SATB2: variants seen among roughly 807,000 people sequenced by gnomAD.
The protein encoded by SATB2 is SATB homeobox 2.
Under a neutral mutation model 73.4 loss-of-function variants are expected in SATB2, and 1 was observed. The observed-to-expected ratio is 0.01, with a 90% CI of 0.00 to 0.06. The LOEUF (loss-of-function observed/expected upper bound fraction) is 0.06, where lower values mean the gene tolerates loss of function less well. SATB2 is among the 10% of genes least tolerant of loss of function. The probability of loss-of-function intolerance (pLI) is 1.00; values close to 1 mark genes in which losing one functional copy is unlikely to be tolerated. For synonymous variants in SATB2, 397 were observed against 367.0 expected (o/e 1.08, Z -0.93); for missense variants, 459 against 945.8 (o/e 0.49, Z 6.75).
chr2:199,376,938 G>T (rs1249738890), intron 5 of SATB2, among the ~76,000 whole-genome samples: 1 of 152,178 alleles, frequency 6.6e-6, no homozygotes, highest in African/African-American at 2.4e-5. Flanking sequence ...CAAACTGAAG[G>T]ACTCTAGAGT....
At chr2:199,385,758 A>C (rs913284086) in intron 3 of SATB2, among the ~76,000 whole-genome samples, 4 of 152,192 alleles carry the variant, frequency 2.6e-5, no homozygotes, top group Non-Finnish European at 4.4e-5. Context: ...AAGTTTTGGG[A>C]GGCCGTGAAT....
intron 3 of SATB2, among the ~76,000 whole-genome samples, chr2:199,429,081 G>A (rs905416515): frequency 6.6e-6 from 1 of 151,438 alleles, no homozygotes; most frequent in Non-Finnish European, 1.5e-5. Flanking sequence ...ACATTACAGG[G>A]GCTCATTAAC....
intron 3 of SATB2, among the ~76,000 whole-genome samples, chr2:199,430,247 C>T (rs913856267): frequency 5.3e-5 from 8 of 152,168 alleles, no homozygotes; most frequent in Non-Finnish European, 1.2e-4. Context: ...GAGAGTGGGG[C>T]AGTTCCCAGA....
chr2:199,424,274 TCA>T lies in SATB2; in HGVS notation c.346+9062_346+9063del, dbSNP rs1478431871. ...CAAAGTGCTGGGTTTTAAATGCTCATCACAGTCACGCAAAATCTATCTGGCAC... is the reference window on the plus strand; with the variant it reads ...CAAAGTGCTGGGTTTTAAATGCTCATCAGTCACGCAAAATCTATCTGGCAC... On this transcript the variant is annotated intron_variant, in intron 3 of 10. Transcript: ENST00000417098. Among the ~76,000 whole-genome samples the T allele has an allele frequency of 2.0e-5, 3 of 152,312 alleles. No individual in the cohort carries two copies. In the East Asian group the frequency reaches 5.8e-4, roughly 29 times the overall value.
chr2:199,306,156 C>T (rs1687426413), intron 10 of SATB2, among the ~76,000 whole-genome samples: 1 of 152,146 alleles, frequency 6.6e-6, no homozygotes, highest in Admixed American at 6.5e-5. Flanking sequence ...TTTATAGTAG[C>T]TTGGTATGTT....
At chr2:199,293,565 T>C (rs1483583420) in intron 10 of SATB2, among the ~76,000 whole-genome samples, 1 of 152,176 alleles carries the variant, frequency 6.6e-6, no homozygotes, top group Non-Finnish European at 1.5e-5. Flanking sequence ...ATGAAAGCTA[T>C]AAAAGATTGA....
At chr2:199,394,159 T>C (rs1167083958) in intron 3 of SATB2, among the ~76,000 whole-genome samples, 1 of 152,198 alleles carries the variant, frequency 6.6e-6, no homozygotes, top group African/African-American at 2.4e-5. Context: ...CCCAATAGAA[T>C]AGTTTATATA....
At chr2:199,384,378 A>G (rs1689867223) in intron 3 of SATB2, among the ~76,000 whole-genome samples, 1 of 152,198 alleles carries the variant, frequency 6.6e-6, no homozygotes, top group Admixed American at 6.5e-5. Context: ...ACAGCTATTT[A>G]CCAGGGTCTG....
At chr2:199,451,097 C>T (rs1692110259) in intron 2 of SATB2, among the ~76,000 whole-genome samples, 1 of 148,960 alleles carries the variant, frequency 6.7e-6, no homozygotes, top group Admixed American at 6.7e-5. Flanking sequence ...TTCCAACACA[C>T]ACACACACAC....
In SATB2 at chr2:199,270,276, G is replaced by A. The variant is rs1254437355; in HGVS notation, c.*1935C>T. The A allele has an allele frequency of 6.6e-6, 1 of 152,598 alleles. No homozygotes were observed. The highest frequency in any genetic ancestry group is 1.5e-5 in the Non-Finnish European group (1 of 68,010). The allele number at this position is 152,598 out of a possible 1,614,324, so 9.5% of individuals were successfully genotyped here. A position where few individuals can be genotyped will look rare whatever the true frequency, so the allele number is the denominator to read the frequency against. On this transcript the variant is annotated 3_prime_UTR_variant, in exon 11 of 11. Transcript: ENST00000417098. Reference sequence around the variant, plus strand: ...AAAATGTCCCTTTAAAAACTCCAGAGGTTACTGAGCAGCTAGAATTAGCTT... The same window carrying A: ...AAAATGTCCCTTTAAAAACTCCAGAAGTTACTGAGCAGCTAGAATTAGCTT...
At chr2:199,409,167 CTT>C (rs67330007) in intron 3 of SATB2, among the ~76,000 whole-genome samples, 22 of 115,226 alleles carry the variant, frequency 1.9e-4, no homozygotes, top group Non-Finnish European at 3.4e-4. Context: ...TTTTTCTTTT[CTT>C]TTTTTTTTTT....
intron 5 of SATB2, among the ~76,000 whole-genome samples, chr2:199,376,874 A>G (rs1322202681): frequency 2.6e-5 from 4 of 152,158 alleles, no homozygotes; most frequent in African/African-American, 9.7e-5. Flanking sequence ...TCAAGTAGAA[A>G]AGAATAGTGC....
intron 10 of SATB2, among the ~76,000 whole-genome samples, chr2:199,282,342 G>C (rs1008453970): frequency 3.9e-5 from 6 of 152,010 alleles, no homozygotes; most frequent in African/African-American, 1.5e-4. Flanking sequence ...TCTGAGAGTA[G>C]GGATATAATT....
chr2:199,313,967 G>A (rs1687661996), intron 9 of SATB2, among the ~76,000 whole-genome samples: 1 of 152,108 alleles, frequency 6.6e-6, no homozygotes, highest in Non-Finnish European at 1.5e-5. Flanking sequence ...TCATGCTTCT[G>A]CCATGTTACT....
At chr2:199,337,371 T>G (rs1013143222) in intron 7 of SATB2, among the ~76,000 whole-genome samples, 9 of 152,236 alleles carry the variant, frequency 5.9e-5, no homozygotes, top group Non-Finnish European at 1.0e-4. Context: ...TTAATCTGTA[T>G]CACTGTTCAA....
At chr2:199,401,754 G>A (rs1690486025) in intron 3 of SATB2, among the ~76,000 whole-genome samples, 1 of 152,122 alleles carries the variant, frequency 6.6e-6, no homozygotes, top group Non-Finnish European at 1.5e-5. Context: ...GAAATTCAAA[G>A]AGGCTGGCAG....
chr2:199,469,486 T>G (rs1258685277), upstream of SATB2: 1 of 135,532 alleles, frequency 7.4e-6, no homozygotes, highest in African/African-American at 2.8e-5. Flanking sequence ...GGATACCCGC[T>G]CAGTACAGAC....
At chr2:199,311,542 A>T (rs1687594388) in intron 9 of SATB2, among the ~76,000 whole-genome samples, 1 of 152,110 alleles carries the variant, frequency 6.6e-6, no homozygotes, top group Non-Finnish European at 1.5e-5. Context: ...AGTAGCACAA[A>T]ATCGGAAGGT....
intron 3 of SATB2, among the ~76,000 whole-genome samples, chr2:199,428,241 C>T (rs969581139): frequency 1.3e-5 from 2 of 152,172 alleles, no homozygotes; most frequent in African/African-American, 2.4e-5. Context: ...GGCTTCAGTA[C>T]ATGACAATTC....
Sources: gnomAD v4.1 joint callset for allele counts (sites outside exome capture counted in the v4.1 genomes callset) on GRCh38, gnomAD v4.1.1 for gene constraint, MANE v1.5 for transcripts, NCBI Gene and HGNC (gene_info 2026-07-23, HGNC 2026-07-21) for gene names.